The following DMRT1 variants were observed in gnomAD, a reference collection of about 807,000 sequenced individuals.
DMRT1 encodes the protein doublesex and mab-3 related transcription factor 1.
Under a neutral mutation model 32.3 loss-of-function variants are expected in DMRT1, and 7 were observed. That is an observed-to-expected ratio of 0.22 (90% CI 0.12 to 0.41). The LOEUF (loss-of-function observed/expected upper bound fraction) is 0.41. Among genes scored for constraint, DMRT1 ranks in the 10% least tolerant of loss-of-function variants. DMRT1 has a pLI of 1.00. For synonymous variants in DMRT1, 278 were observed against 206.1 expected (o/e 1.35, Z -2.99); for missense variants, 625 against 500.5 (o/e 1.25, Z -2.37).
chr9:887,228 T>C (rs1451790686), intron 2 of DMRT1, among the ~76,000 whole-genome samples: 2 of 152,220 alleles, frequency 1.3e-5, no homozygotes, highest in Non-Finnish European at 2.9e-5. Flanking sequence ...CTTAGTTGTT[T>C]GGAGGGAATT....
chr9:942,756 C>T (rs1586647677), intron 4 of DMRT1, among the ~76,000 whole-genome samples: 2 of 152,212 alleles, frequency 1.3e-5, no homozygotes, highest in African/African-American at 4.8e-5. Context: ...GTAGCAACAT[C>T]ATGAGTTTAT....
intron 3 of DMRT1, among the ~76,000 whole-genome samples, chr9:905,417 A>G (rs1018148569): frequency 6.6e-6 from 1 of 152,040 alleles, no homozygotes; most frequent in Non-Finnish European, 1.5e-5. Context: ...GAGTATTTGT[A>G]TAAAACCAAA....
intron 4 of DMRT1, among the ~76,000 whole-genome samples, chr9:927,490 C>T (rs892185118): frequency 3.3e-5 from 5 of 152,182 alleles, no homozygotes; most frequent in Non-Finnish European, 7.3e-5. Context: ...GTGGCGTTTA[C>T]ACTAGGAATG....
chr9:919,425 A>C (rs1437135031), intron 4 of DMRT1, among the ~76,000 whole-genome samples: 1 of 52,482 alleles, frequency 1.9e-5, no homozygotes, highest in Non-Finnish European at 4.1e-5. Flanking sequence ...GGGCGGGGGG[A>C]GGGGGGCATT....
intron 4 of DMRT1, among the ~76,000 whole-genome samples, chr9:947,806 C>A (rs1057426724): frequency 1.3e-5 from 2 of 152,152 alleles, no homozygotes; most frequent in African/African-American, 4.8e-5. Context: ...CAAATACTGT[C>A]TGAAGTCAAG....
intron 2 of DMRT1, among the ~76,000 whole-genome samples, chr9:869,093 T>C (rs927775519): frequency 6.6e-6 from 1 of 152,150 alleles, no homozygotes; most frequent in African/African-American, 2.4e-5. Context: ...TTGGTAAAAC[T>C]CTGATATAGT....
chr9:893,882 G>C, intron 2 of DMRT1, 30 bp from the exon 3 acceptor site: 1 of 1,603,896 alleles, frequency 6.2e-7, no homozygotes, highest in Non-Finnish European at 8.5e-7. Context: ...TTAATACCAT[G>C]TTGTATTTTT....
At chr9:875,264 T>C (rs1217652881) in intron 2 of DMRT1, among the ~76,000 whole-genome samples, 1 of 152,178 alleles carries the variant, frequency 6.6e-6, no homozygotes, top group Non-Finnish European at 1.5e-5. Context: ...TTGAGAATTG[T>C]GGGTGAGGCT....
intron 2 of DMRT1, among the ~76,000 whole-genome samples, chr9:882,758 A>ATTT (rs1816780739): frequency 7.5e-6 from 1 of 133,958 alleles, no homozygotes; most frequent in African/African-American, 3.0e-5. Flanking sequence ...TCTCCCCTGA[A>ATTT]TCTTTTTTTT....
intron 2 of DMRT1, among the ~76,000 whole-genome samples, chr9:881,491 A>G (rs1433835325): frequency 6.6e-6 from 1 of 152,202 alleles, no homozygotes; most frequent in Non-Finnish European, 1.5e-5. Flanking sequence ...TGAATCCTAT[A>G]TCTACATGGA....
At chr9:882,760 C>CTTTTT (rs1010078425) in intron 2 of DMRT1, among the ~76,000 whole-genome samples, 63 of 118,326 alleles carry the variant, frequency 5.3e-4, no homozygotes, top group African/African-American at 1.7e-3. Flanking sequence ...TCCCCTGAAT[C>CTTTTT]TTTTTTTTTT....
chr9:953,787 C>G (rs979519028), intron 4 of DMRT1, among the ~76,000 whole-genome samples: 9 of 152,226 alleles, frequency 5.9e-5, no homozygotes, highest in Non-Finnish European at 1.3e-4. Flanking sequence ...CTGGCTTTGT[C>G]TCATGACAGT....
chr9:905,239 C>T (rs183747822), intron 3 of DMRT1, among the ~76,000 whole-genome samples: 67 of 152,314 alleles, frequency 4.4e-4, no homozygotes, highest in African/African-American at 1.3e-3. Flanking sequence ...GCCCTGTGGG[C>T]ATCACCATTG....
intron 4 of DMRT1, among the ~76,000 whole-genome samples, chr9:924,125 G>A (rs1263632839): frequency 6.7e-6 from 1 of 149,760 alleles, no homozygotes; most frequent in Non-Finnish European, 1.5e-5. Context: ...AGGCTGGAGT[G>A]CAGTGGCATG....
chr9:966,331 T>A (rs1295087651), intron 4 of DMRT1, among the ~76,000 whole-genome samples: 3 of 152,108 alleles, frequency 2.0e-5, no homozygotes, highest in African/African-American at 4.8e-5. Context: ...GAAATACTAC[T>A]TAATGACTCC....
chr9:944,554 A>G (rs147894760), intron 4 of DMRT1, among the ~76,000 whole-genome samples: 46 of 152,314 alleles, frequency 3.0e-4, no homozygotes, highest in African/African-American at 1.1e-3. Flanking sequence ...TTAAAAGGAG[A>G]TGGATATTTA....
intron 2 of DMRT1, among the ~76,000 whole-genome samples, chr9:885,205 T>G (rs987639324): frequency 5.3e-5 from 8 of 152,068 alleles, no homozygotes; most frequent in Admixed American, 1.3e-4. Context: ...CCCCAGTGGG[T>G]GTGTGTTACA....
At chr9:928,179 T>C (rs751774436) in intron 4 of DMRT1, among the ~76,000 whole-genome samples, 1 of 152,330 alleles carries the variant, frequency 6.6e-6, no homozygotes, top group East Asian at 1.9e-4. Context: ...TCAGGTTTAT[T>C]TACATTCACG....
Position 968,189 on chromosome 9 carries a change from A to G in DMRT1, c.*50A>G, listed in dbSNP as rs1328280304. ...TCACTTGGAGTAACAGGCTTATTCCACTTTCCATGGGGTTTGTTAATATTT... is the reference window on the plus strand; with the variant it reads ...TCACTTGGAGTAACAGGCTTATTCCGCTTTCCATGGGGTTTGTTAATATTT... On this transcript the variant is annotated 3_prime_UTR_variant, in exon 5 of 5. Coordinates refer to ENST00000382276, the MANE Select transcript of DMRT1 (RefSeq NM_021951.3). 4 of 1,607,428 alleles carry G rather than the reference A, an allele frequency of 2.5e-6. No individual in the cohort carries two copies. The highest frequency in any genetic ancestry group is 3.3e-5 in the Admixed American group (2 of 59,708).
Sources: allele counts gnomAD v4.1 joint callset (sites outside exome capture counted in the v4.1 genomes callset), GRCh38; gene constraint gnomAD v4.1.1; transcripts MANE v1.5; gene names NCBI Gene and HGNC (gene_info 2026-07-23, HGNC 2026-07-21).